PDE4B: variants seen among roughly 807,000 people sequenced by gnomAD.
PDE4B encodes 3',5'-cyclic-AMP phosphodiesterase 4B.
A neutral mutation model predicts 82.2 loss-of-function variants in PDE4B; 20 were observed. The observed-to-expected ratio is 0.24, with a 90% CI of 0.17 to 0.35. The LOEUF is 0.35. Among genes scored for constraint, PDE4B ranks in the 10% least tolerant of loss-of-function variants. The probability of loss-of-function intolerance (pLI) is 1.00; values close to 1 mark genes in which losing one functional copy is unlikely to be tolerated. For missense variants in PDE4B, 655 were observed against 907.2 expected (o/e 0.72, Z 3.57); for synonymous variants, 320 against 318.9 (o/e 1.00, Z -0.04).
chr1:66,185,911 A>G (rs548848076), intron 3 of PDE4B, among the ~76,000 whole-genome samples: 1 of 152,292 alleles, frequency 6.6e-6, no homozygotes, highest in South Asian at 2.1e-4. Context: ...GTCCTTGCCC[A>G]TGCCTATGTC....
intron 3 of PDE4B, among the ~76,000 whole-genome samples, chr1:66,004,823 CTGTT>C (rs935594406): frequency 7.9e-5 from 12 of 151,954 alleles, no homozygotes; most frequent in Non-Finnish European, 1.5e-4. Flanking sequence ...CACTTACAAA[CTGTT>C]TATTTATTTG....
chr1:66,299,186 C>G (rs1469176363), intron 7 of PDE4B, among the ~76,000 whole-genome samples: 2 of 152,130 alleles, frequency 1.3e-5, no homozygotes, highest in East Asian at 1.9e-4. Flanking sequence ...TCCTATCTAG[C>G]TCTAATTTTG....
At chr1:66,268,405 C>T (rs1358285449) in intron 7 of PDE4B, among the ~76,000 whole-genome samples, 1 of 152,086 alleles carries the variant, frequency 6.6e-6, no homozygotes, top group Non-Finnish European at 1.5e-5. Context: ...CATGGTGGCT[C>T]ATGCCTGTAA....
At chr1:65,822,790 GAC>G (rs1196136609) in intron 1 of PDE4B, among the ~76,000 whole-genome samples, 1 of 152,108 alleles carries the variant, frequency 6.6e-6, no homozygotes, top group African/African-American at 2.4e-5. Flanking sequence ...ACCCTCACCA[GAC>G]ACTGAACCTG....
intron 3 of PDE4B, among the ~76,000 whole-genome samples, chr1:65,969,293 G>A (rs944308323): frequency 6.6e-6 from 1 of 151,966 alleles, no homozygotes; most frequent in Non-Finnish European, 1.5e-5. Flanking sequence ...GCTCTGAGAG[G>A]GTCTCACTTT....
intron 3 of PDE4B, among the ~76,000 whole-genome samples, chr1:65,984,629 C>T (rs4989531): frequency 0.062 from 9,482 of 152,178 alleles, 349 homozygotes; most frequent in Middle Eastern, 0.2. Flanking sequence ...GTGGTGGGCG[C>T]ATGTAGTCCC....
At chr1:66,309,618 G>C (rs1658529212) in intron 7 of PDE4B, among the ~76,000 whole-genome samples, 1 of 152,162 alleles carries the variant, frequency 6.6e-6, no homozygotes, top group African/African-American at 2.4e-5. Flanking sequence ...GTTTGCCTTT[G>C]GAATCAGACA....
intron 4 of PDE4B, among the ~76,000 whole-genome samples, 193 bp downstream of exon 4, chr1:66,247,847 C>G (rs1429003219): frequency 6.6e-6 from 1 of 152,168 alleles, no homozygotes; most frequent in Non-Finnish European, 1.5e-5. Context: ...TAGCTGGGGT[C>G]TCCAAGGGTT....
intron 3 of PDE4B, among the ~76,000 whole-genome samples, chr1:65,982,773 G>C (rs1373840629): frequency 6.6e-6 from 1 of 152,180 alleles, no homozygotes; most frequent in African/African-American, 2.4e-5. Flanking sequence ...AGCAGGAAAT[G>C]GGTTGATTGA....
chr1:66,081,986 G>A (rs923147816), intron 3 of PDE4B, among the ~76,000 whole-genome samples: 1 of 151,932 alleles, frequency 6.6e-6, no homozygotes, highest in African/African-American at 2.4e-5. Context: ...AGCTTTTAGT[G>A]AAATACTCTT....
At chr1:66,290,598 C>A (rs1460693424) in intron 7 of PDE4B, among the ~76,000 whole-genome samples, 1 of 152,120 alleles carries the variant, frequency 6.6e-6, no homozygotes, top group East Asian at 1.9e-4. Context: ...TGAATCTAAC[C>A]CAAAATGCAA....
chr1:65,807,925 C>G (rs377183159), intron 1 of PDE4B, among the ~76,000 whole-genome samples: 1 of 152,122 alleles, frequency 6.6e-6, no homozygotes, highest in Non-Finnish European at 1.5e-5. Context: ...AGCCCTTTAG[C>G]CTTCATGGAG....
At chr1:66,122,776 G>A (rs1189530975) in intron 3 of PDE4B, among the ~76,000 whole-genome samples, 1 of 146,858 alleles carries the variant, frequency 6.8e-6, no homozygotes, top group African/African-American at 2.5e-5. Flanking sequence ...TGAGATCTTG[G>A]CTCACTGCAA....
chr1:65,874,295 G>C (rs200106533), intron 1 of PDE4B, among the ~76,000 whole-genome samples: 2 of 152,004 alleles, frequency 1.3e-5, no homozygotes, highest in African/African-American at 2.4e-5. Context: ...TGAAGTTGCT[G>C]ATCAGCTTAA....
Position 66,332,636 on chromosome 1 carries a change from T to C in PDE4B, c.747+16T>C. The C allele has an allele frequency of 1.2e-6, 2 of 1,610,976 alleles. No individual in the cohort carries two copies. The highest frequency in any genetic ancestry group is 2.2e-5 in the South Asian group (2 of 90,756). On this transcript the variant is annotated intron_variant, in intron 8 of 16. Coordinates refer to ENST00000341517, the MANE Select transcript of PDE4B (RefSeq NM_002600.4). ...TTCTAACAAGGTAAGAGATGATCTT[T>C]TTATTCATTAAAGTGTGATCATGCA...
intron 1 of PDE4B, among the ~76,000 whole-genome samples, chr1:65,845,039 C>T (rs929285895): frequency 2.0e-5 from 3 of 152,120 alleles, no homozygotes; most frequent in Admixed American, 6.6e-5. Context: ...TCTGCCCACC[C>T]CCATCTGTCT....
intron 1 of PDE4B, among the ~76,000 whole-genome samples, chr1:65,909,998 A>G (rs1375019120): frequency 6.6e-6 from 1 of 152,222 alleles, no homozygotes; most frequent in Non-Finnish European, 1.5e-5. Context: ...GTACAGTGAT[A>G]GGTTAATAGT....
At chr1:65,950,656 G>A (rs1172923724) in intron 3 of PDE4B, among the ~76,000 whole-genome samples, 1 of 152,068 alleles carries the variant, frequency 6.6e-6, no homozygotes, top group Non-Finnish European at 1.5e-5. Context: ...CTGGCCTTGT[G>A]TATCCCATGC....
intron 1 of PDE4B, among the ~76,000 whole-genome samples, chr1:65,819,032 C>G (rs969250402): frequency 2.0e-5 from 3 of 152,134 alleles, no homozygotes; most frequent in African/African-American, 7.2e-5. Flanking sequence ...AGATTTTACT[C>G]TGGGATCAGT....
Sources: allele counts gnomAD v4.1 joint callset (sites outside exome capture counted in the v4.1 genomes callset), GRCh38; gene constraint gnomAD v4.1.1; transcripts MANE v1.5; gene names NCBI Gene and HGNC (gene_info 2026-07-23, HGNC 2026-07-21).